NEO1: variants seen among roughly 807,000 people sequenced by gnomAD.
NEO1 encodes neogenin.
A neutral mutation model predicts 159.7 loss-of-function variants in NEO1; 63 were observed. That is an observed-to-expected ratio of 0.39 (90% CI 0.32 to 0.49). The LOEUF is 0.49. NEO1 is among the 20% of genes least tolerant of loss of function. NEO1 has a pLI of 0.85. For missense variants in NEO1, 1,615 were observed against 1,831.0 expected (o/e 0.88, Z 2.15); for synonymous variants, 633 against 662.0 (o/e 0.96, Z 0.67).
chr15:73,202,651 C>A (rs1596331309), intron 7 of NEO1, among the ~76,000 whole-genome samples: 1 of 152,248 alleles, frequency 6.6e-6, no homozygotes, highest in East Asian at 1.9e-4. Flanking sequence ...ATGTACATAG[C>A]CCTAAAATTA....
At chr15:73,198,169 AT>A (rs1238739285) in intron 7 of NEO1, among the ~76,000 whole-genome samples, 1 of 150,214 alleles carries the variant, frequency 6.7e-6, no homozygotes, top group African/African-American at 2.4e-5. Context: ...GTATTTAGCC[AT>A]TTTTTTTTCT....
chr15:73,091,536 A>G (rs2069691638), intron 1 of NEO1, among the ~76,000 whole-genome samples: 1 of 151,884 alleles, frequency 6.6e-6, no homozygotes, highest in African/African-American at 2.4e-5. Flanking sequence ...AGTGAACTGT[A>G]TTCGTTTTGT....
chr15:73,272,584 AT>A (rs1567662220), intron 19 of NEO1, 22 bp downstream of exon 19: 5 of 1,500,622 alleles, frequency 3.3e-6, no homozygotes, highest in South Asian at 1.1e-5. Context: ...TCAAGTGTGC[AT>A]TTCTTTGTGC....
intron 1 of NEO1, among the ~76,000 whole-genome samples, chr15:73,083,106 G>A (rs2069157423): frequency 6.6e-6 from 1 of 152,184 alleles, no homozygotes; most frequent in African/African-American, 2.4e-5. Context: ...TGTGTATCAA[G>A]GACTTTGGAC....
chr15:73,072,495 A>C (rs1324823928), intron 1 of NEO1, among the ~76,000 whole-genome samples: 2 of 152,194 alleles, frequency 1.3e-5, no homozygotes, highest in African/African-American at 2.4e-5. Flanking sequence ...GTAAACCTTT[A>C]TTGAGTACAT....
At chr15:73,269,417 G>A (rs894168338) in intron 16 of NEO1, among the ~76,000 whole-genome samples, 3 of 152,158 alleles carry the variant, frequency 2.0e-5, no homozygotes, top group Non-Finnish European at 4.4e-5. Flanking sequence ...CTGGAGTACA[G>A]TGGTGCAATC....
At chr15:73,243,206 A>C (rs917956366) in intron 8 of NEO1, among the ~76,000 whole-genome samples, 7 of 68,392 alleles carry the variant, frequency 1.0e-4, no homozygotes, top group African/African-American at 2.4e-4. Flanking sequence ...GGATTTTTTA[A>C]TTAAAATAAA....
At chr15:73,196,412 G>T (rs17762600) in intron 7 of NEO1, among the ~76,000 whole-genome samples, 48,962 of 152,116 alleles carry the variant, frequency 0.32, 9,075 homozygotes, top group Admixed American at 0.45. Flanking sequence ...CTCCCCAGTA[G>T]TGTGTTCCTA....
intron 5 of NEO1, 104 bp downstream of exon 5, chr15:73,136,131 A>C (rs943851580): frequency 3.7e-5 from 37 of 988,752 alleles, no homozygotes; most frequent in Non-Finnish European, 5.2e-5. Flanking sequence ...CAAAACAATT[A>C]AAAGCATAAC....
At chr15:73,249,531 ACTTTT>A in intron 10 of NEO1, 47 bp from the exon 11 acceptor site, 1 of 1,515,136 alleles carries the variant, frequency 6.6e-7, no homozygotes, top group Non-Finnish European at 8.8e-7. Context: ...TTAATTTTCA[ACTTTT>A]CTTTTGGCTT....
At position 73,250,768 on chromosome 15, in the gene NEO1, A is replaced by G. The variant is rs1282231119; in HGVS notation, c.1894+1047A>G. 2.6e-5 allele frequency among the ~76,000 whole-genome samples: 4 copies of G among 152,240 alleles called. No individual in the cohort carries two copies. The East Asian group carries it at 7.7e-4, about 29-fold the overall frequency. ...AAAGAAGAGTAAAGACACATGAAAT[A>G]AAATATGTATGATCTTTGGATCCTG... On this transcript the variant is annotated intron_variant, in intron 11 of 28. Coordinates refer to ENST00000261908, the MANE Select transcript of NEO1 (RefSeq NM_002499.4).
At position 73,113,717 on chromosome 15, in the gene NEO1, T is replaced by A. The variant is rs568479284; in HGVS notation, c.131-2823T>A. Reference sequence around the variant, plus strand: ...GGAAATGTGGGTGGCAGTATTTAGTTGCACAGCATCTAAGTTTTAGAAGTT... The same window carrying A: ...GGAAATGTGGGTGGCAGTATTTAGTAGCACAGCATCTAAGTTTTAGAAGTT... On this transcript the variant is annotated intron_variant, in intron 1 of 28. Coordinates refer to ENST00000261908, the MANE Select transcript of NEO1 (RefSeq NM_002499.4). Among the ~76,000 whole-genome samples the A allele has an allele frequency of 2.0e-5, 3 of 152,286 alleles. No homozygotes were observed. The East Asian group carries it at 5.8e-4, about 29-fold the overall frequency.
intron 15 of NEO1, among the ~76,000 whole-genome samples, chr15:73,262,822 T>G (rs2040685102): frequency 6.6e-6 from 1 of 152,202 alleles, no homozygotes; most frequent in South Asian, 2.1e-4. Flanking sequence ...ATAACAAATT[T>G]TCATCAACAG....
At chr15:73,118,893 T>C (rs1174662675) in intron 2 of NEO1, among the ~76,000 whole-genome samples, 1 of 152,228 alleles carries the variant, frequency 6.6e-6, no homozygotes, top group Admixed American at 6.5e-5. Context: ...TGGATTAAAA[T>C]TGTTGGATGT....
intron 6 of NEO1, among the ~76,000 whole-genome samples, chr15:73,177,471 A>G (rs1368786568): frequency 6.6e-6 from 1 of 152,234 alleles, no homozygotes; most frequent in Non-Finnish European, 1.5e-5. Context: ...TTATAGTTAA[A>G]ATAGCCTCTT....
Position 73,237,015 on chromosome 15 carries a change from G to T in NEO1, c.1451+509G>T, listed in dbSNP as rs530435585. On this transcript the variant is annotated intron_variant, in intron 8 of 28. Transcript: ENST00000261908. ...CATAGGGGAAGATCTATAATGTCCA[G>T]GCTGCTTTGTGCCACAGGCTGGCTT... 3.3e-4 allele frequency among the ~76,000 whole-genome samples: 50 copies of T among 152,270 alleles called. No individual in the cohort carries two copies. The South Asian group carries it at 0.01, about 32-fold the overall frequency.
chr15:73,057,085 A>C (rs1016268069), intron 1 of NEO1, among the ~76,000 whole-genome samples: 6 of 152,206 alleles, frequency 3.9e-5, no homozygotes, highest in African/African-American at 1.4e-4. Flanking sequence ...TGGGGGATAT[A>C]GGCAGGCAAG....
chr15:73,060,133 T>A (rs554054763), intron 1 of NEO1, among the ~76,000 whole-genome samples: 5 of 152,242 alleles, frequency 3.3e-5, no homozygotes, highest in Non-Finnish European at 7.3e-5. Context: ...TAACAAATTA[T>A]AAGTTTCATT....
At chr15:73,154,660 G>A (rs1043611317) in intron 5 of NEO1, among the ~76,000 whole-genome samples, 7 of 152,126 alleles carry the variant, frequency 4.6e-5, no homozygotes, top group Non-Finnish European at 7.4e-5. Context: ...TGATATGAGC[G>A]TAGCTAGTCC....
Sources: gnomAD v4.1 joint callset for allele counts (sites outside exome capture counted in the v4.1 genomes callset) on GRCh38, gnomAD v4.1.1 for gene constraint, MANE v1.5 for transcripts, NCBI Gene and HGNC (gene_info 2026-07-23, HGNC 2026-07-21) for gene names.